The following CTDSPL2 variants were observed in gnomAD, a reference collection of about 807,000 sequenced individuals.
CTDSPL2 encodes CTD small phosphatase like 2.
In CTDSPL2, 5 loss-of-function variants were observed where a neutral mutation model predicts 60.0. The ratio of observed to expected loss-of-function variants is 0.08; its 90% CI spans 0.04 to 0.18. The LOEUF is 0.18. Among genes scored for constraint, CTDSPL2 ranks in the 10% least tolerant of loss-of-function variants. CTDSPL2 has a pLI of 1.00. For missense variants in CTDSPL2, 370 were observed against 548.8 expected (o/e 0.67, Z 3.26); for synonymous variants, 186 against 189.3 (o/e 0.98, Z 0.14).
intron 2 of CTDSPL2, among the ~76,000 whole-genome samples, chr15:44,475,314 C>A (rs1488974733): frequency 6.6e-6 from 1 of 152,136 alleles, no homozygotes; most frequent in African/African-American, 2.4e-5. Flanking sequence ...ATATTGTTTA[C>A]CCCTTTTCAA....
chr15:44,448,099 T>TC (rs2080255393), intron 1 of CTDSPL2: 2 of 251,442 alleles, frequency 8.0e-6, no homozygotes, highest in South Asian at 8.9e-5. Flanking sequence ...GCTCATGTGC[T>TC]CCAGGCCAGC....
chr15:44,445,668 C>T lies in CTDSPL2; in HGVS notation c.-24-13323C>T, dbSNP rs572179777. On this transcript the variant is annotated intron_variant, in intron 1 of 12. Coordinates refer to ENST00000260327, the MANE Select transcript of CTDSPL2 (RefSeq NM_016396.3). ...CTTTTTTTTTTTTGAGATGGAGTCT[C>T]GCACTGTCGCCTGGGCTGGAGTGCA... 4.0e-5 allele frequency among the ~76,000 whole-genome samples: 6 copies of T among 150,446 alleles called. 1 individual carries two copies. The highest frequency in any genetic ancestry group is 2.1e-4 in the South Asian group (1 of 4,774).
intron 5 of CTDSPL2, among the ~76,000 whole-genome samples, chr15:44,493,157 A>G (rs1478916401): frequency 6.6e-6 from 1 of 152,172 alleles, no homozygotes; most frequent in Non-Finnish European, 1.5e-5. Context: ...AGAGCCAAAT[A>G]TACAGAAACA....
At position 44,479,062 on chromosome 15, in the gene CTDSPL2, A is replaced by T. The variant is rs549924218; in HGVS notation, c.187-5162A>T. Among the ~76,000 whole-genome samples, 170 of 151,424 alleles carry T rather than the reference A, an allele frequency of 1.1e-3. 1 individual carries two copies. The Middle Eastern group carries it at 0.014, about 12-fold the overall frequency. On this transcript the variant is annotated intron_variant, in intron 2 of 12. Coordinates refer to ENST00000260327, the MANE Select transcript of CTDSPL2 (RefSeq NM_016396.3). The stretch of plus-strand genomic sequence containing the variant: ...TTTATGTCTGTCTTCATTTCTTTAA[A>T]AAAAAACAAACAAACAAAAAAAAAA...
intron 2 of CTDSPL2, among the ~76,000 whole-genome samples, chr15:44,469,016 C>T (rs980781167): frequency 3.3e-5 from 5 of 151,920 alleles, no homozygotes; most frequent in Non-Finnish European, 7.4e-5. Context: ...TTCAATTAAT[C>T]CTTATTTTAC....
At chr15:44,491,869 A>C (rs1425049689) in intron 5 of CTDSPL2, among the ~76,000 whole-genome samples, 1 of 152,118 alleles carries the variant, frequency 6.6e-6, no homozygotes, top group Non-Finnish European at 1.5e-5. Context: ...CAAAAGAGCC[A>C]GACCCTGTCT....
chr15:44,431,370 A>G (rs1401388057), intron 1 of CTDSPL2, among the ~76,000 whole-genome samples: 2 of 152,216 alleles, frequency 1.3e-5, no homozygotes, highest in Non-Finnish European at 2.9e-5. Flanking sequence ...TAAGCCAGAC[A>G]TATATTCACT....
At chr15:44,518,081 A>G (rs763602125) in intron 10 of CTDSPL2, among the ~76,000 whole-genome samples, 10 of 152,178 alleles carry the variant, frequency 6.6e-5, no homozygotes, top group South Asian at 2.1e-4. Context: ...GTGTGTGTAT[A>G]TGTAGATTTT....
At chr15:44,522,338 T>A (rs553623711) in intron 12 of CTDSPL2, among the ~76,000 whole-genome samples, 2 of 152,256 alleles carry the variant, frequency 1.3e-5, no homozygotes, top group South Asian at 4.1e-4. Flanking sequence ...CCAACCACAT[T>A]TTCAGACTTT....
chr15:44,503,696 CG>C (rs557907465), intron 8 of CTDSPL2: 29 of 152,200 alleles, frequency 1.9e-4, no homozygotes, highest in Non-Finnish European at 4.0e-4. Flanking sequence ...TGCAGCCAAA[CG>C]TAACTGTGTT....
At chr15:44,435,653 C>G (rs1221888680) in intron 1 of CTDSPL2, among the ~76,000 whole-genome samples, 2 of 137,192 alleles carry the variant, frequency 1.5e-5, no homozygotes, top group African/African-American at 5.3e-5. Context: ...GTCACCCAAT[C>G]TGGAGCGCAG....
intron 2 of CTDSPL2, 89 bp from the exon 3 acceptor site, chr15:44,484,135 T>G (rs1285758501): frequency 1.7e-6 from 2 of 1,170,542 alleles, no homozygotes; most frequent in Non-Finnish European, 2.4e-6. Flanking sequence ...GAGGAAAGTA[T>G]ATTATACCGT....
chr15:44,501,828 C>T (rs999774503), intron 8 of CTDSPL2: 5 of 338,718 alleles, frequency 1.5e-5, no homozygotes, highest in Non-Finnish European at 2.9e-5. Flanking sequence ...GGTACATTCC[C>T]TTGGATTTCT....
intron 2 of CTDSPL2, among the ~76,000 whole-genome samples, chr15:44,475,625 C>G (rs897711447): frequency 3.5e-5 from 4 of 113,732 alleles, no homozygotes; most frequent in Non-Finnish European, 5.3e-5. Context: ...GGCAACAGAA[C>G]AAGACTTCGT....
chr15:44,448,804 G>A, intron 1 of CTDSPL2: 1 of 353,348 alleles, frequency 2.8e-6, no homozygotes, highest in Non-Finnish European at 5.4e-6. Context: ...CGGACGCTTA[G>A]GAGGGAAAAA....
intron 1 of CTDSPL2, among the ~76,000 whole-genome samples, chr15:44,442,313 G>T (rs2080105691): frequency 1.3e-5 from 2 of 152,006 alleles, no homozygotes; most frequent in Non-Finnish European, 2.9e-5. Context: ...TAGGCGTGGT[G>T]GTGCACGCCT....
chr15:44,528,765 T>G lies in CTDSPL2; in HGVS notation c.*4591T>G, dbSNP rs746667359. On this transcript the variant is annotated 3_prime_UTR_variant, in exon 13 of 13. Coordinates refer to ENST00000260327, the MANE Select transcript of CTDSPL2 (RefSeq NM_016396.3). ...TATAAATCTTTGTAGAAATAAGCAA[T>G]GAAATACTACTTTCATCTTTTGAAA... 3.9e-5 allele frequency: 6 copies of G among 152,154 alleles called. No homozygotes were observed. The highest frequency in any genetic ancestry group is 5.9e-5 in the Non-Finnish European group (4 of 68,020). The allele number at this position is 152,154 out of a possible 1,614,324, so 9.4% of individuals were successfully genotyped here.
rs542343665 is a variant in CTDSPL2, at chr15:44,466,138, T to C, written c.186+6938T>C. Among the ~76,000 whole-genome samples the C allele has an allele frequency of 1.9e-3, 295 of 152,018 alleles. 1 individual carries two copies. The highest frequency in any genetic ancestry group is 6.9e-3 in the African/African-American group (285 of 41,492). ...TTTTAGTAGAGACGGGGTTTCACCA[T>C]GTTGGCCACGCTGGTCTCGAACTCC... On this transcript the variant is annotated intron_variant, in intron 2 of 12. Coordinates refer to ENST00000260327, the MANE Select transcript of CTDSPL2 (RefSeq NM_016396.3).
chr15:44,523,430 A>G (rs2081819902), intron 12 of CTDSPL2, among the ~76,000 whole-genome samples: 1 of 151,750 alleles, frequency 6.6e-6, no homozygotes, highest in African/African-American at 2.4e-5. Context: ...ATACATACAT[A>G]CATACATACA....
Sources: allele counts gnomAD v4.1 joint callset (sites outside exome capture counted in the v4.1 genomes callset), GRCh38; gene constraint gnomAD v4.1.1; transcripts MANE v1.5; gene names NCBI Gene and HGNC (gene_info 2026-07-23, HGNC 2026-07-21).